The following EPN3 variants were observed in gnomAD, a reference collection of about 807,000 sequenced individuals.
EPN3 encodes epsin-3.
EPN3 carries 56 observed loss-of-function variants against 55.5 expected under a neutral mutation model. The observed-to-expected ratio is 1.01, with a 90% CI of 0.81 to 1.26. The LOEUF (loss-of-function observed/expected upper bound fraction) is 1.26. EPN3 is among the 50% of genes most tolerant of loss of function. The pLI, the probability that EPN3 is intolerant of heterozygous loss-of-function variation, is 0.00. For missense variants in EPN3, 927 were observed against 853.4 expected (o/e 1.09, Z -1.07); for synonymous variants, 449 against 375.2 (o/e 1.20, Z -2.27).
Position 50,542,357 on chromosome 17 carries a change from C to T in EPN3, c.*200C>T. On this transcript the variant is annotated 3_prime_UTR_variant, in exon 10 of 10. Transcript: ENST00000268933. The stretch of plus-strand genomic sequence containing the variant: ...AACGCCCGCATAATAAAGACTGGAA[C>T]CCTCGTTCTCAGCTCTCACCAAGTG... The T allele has an allele frequency of 1.9e-6, 1 of 531,652 alleles. No individual in the cohort carries two copies. The highest frequency in any genetic ancestry group is 3.8e-5 in the East Asian group (1 of 26,132). The allele number at this position is 531,652 out of a possible 1,614,324, so 32.9% of individuals were successfully genotyped here.
intron 1 of EPN3, 22 bp downstream of exon 1, chr17:50,533,007 C>A (rs1257188452): frequency 1.7e-5 from 22 of 1,267,630 alleles, no homozygotes; most frequent in Non-Finnish European, 2.0e-5. Flanking sequence ...CCCTGGCCCC[C>A]TCCCTGGCAG....
In EPN3 at chr17:50,537,065, G is replaced by A. The variant is rs143725319; in HGVS notation, c.509G>A (p.Arg170His). The A allele has an allele frequency of 0.036, 58,313 of 1,611,590 alleles. 1,223 individuals are homozygous for A. Among genetic ancestry groups the A allele is most frequent in the Middle Eastern group, 0.042 (248 of 5,862 alleles). Residue 170 changes from arginine (R) to histidine (H), a missense_variant, in exon 2 of 10, where the codon CGC becomes CAC. Arg to His is a conservative substitution (Grantham distance 29). Transcript: ENST00000268933. ...GGCAGTGGGCAGCTGGGCTTCAGCC[G>A]CCGCTACGGCGAGGACTACAGCCGC... ...GIGSGQLGFS[R>H]RYGEDYSRSR...
In EPN3 at chr17:50,540,796, T is replaced by G. The variant is rs765972560; in HGVS notation, c.983T>G (p.Phe328Cys). The G allele has an allele frequency of 6.2e-7, 1 of 1,607,054 alleles. No homozygotes were observed. Among genetic ancestry groups the G allele is most frequent in the Non-Finnish European group, 8.5e-7 (1 of 1,175,266 alleles). ...CSADPWDIPG[F>C]RPNTEASGSS... ...GTCTATGCTGTTCCCATTTCAGGTT[T>G]TAGGCCGAACACAGAGGCCAGTGGA... is the stretch of plus-strand genomic sequence containing the variant. The change falls in exon 7 of 10, where the codon TTT becomes TGT. Residue 328 changes from phenylalanine to cysteine, a missense_variant. By Grantham distance (205) the Phe-to-Cys change is radical (BLOSUM62 -2). Transcript: ENST00000268933.
chr17:50,537,392 A>G, intron 2 of EPN3: 4 of 500,572 alleles, frequency 8.0e-6, no homozygotes, highest in Non-Finnish European at 1.4e-5. Flanking sequence ...GTCAGATAGC[A>G]TTCTATATTC....
intron 1 of EPN3, chr17:50,534,466 G>A (rs1403250311): frequency 2.0e-6 from 2 of 985,434 alleles, no homozygotes; most frequent in East Asian, 2.3e-4. Flanking sequence ...GTAGGGGCGT[G>A]TGCTGGGCGG....
In EPN3 at chr17:50,538,969, T is replaced by A; in HGVS notation, c.762+5T>A. On this transcript the variant is annotated splice_donor_5th_base_variant and intron_variant, in intron 4 of 9. Coordinates refer to ENST00000268933, the MANE Select transcript of EPN3 (RefSeq NM_017957.3). ...AGCCGGCAGGAGCACGAGAAGGTAG[T>A]GGGCCGAGCCCGCTGGGCTGCCGGT... The A allele has an allele frequency of 6.3e-7, 1 of 1,597,638 alleles. No individual in the cohort carries two copies.
At chr17:50,537,855 C>T in intron 2 of EPN3, 1 of 493,936 alleles carries the variant, frequency 2.0e-6, no homozygotes. Context: ...GCCCTAAGTG[C>T]CGCCTGTGCA....
intron 1 of EPN3, among the ~76,000 whole-genome samples, chr17:50,534,085 C>G (rs575969310): frequency 1.5e-4 from 4 of 27,040 alleles, no homozygotes; most frequent in Non-Finnish European, 2.4e-4. Context: ...CCTCCCTTCT[C>G]TGCGCTTGGG....
At position 50,536,525 on chromosome 17, in the gene EPN3, G is replaced by C; in HGVS notation, c.-32G>C. On this transcript the variant is annotated 5_prime_UTR_variant, in exon 2 of 10. Transcript: ENST00000268933. ...CCCTCAGCCCTCCACCTCCGGCGGG[G>C]GCGAGGGCCACCCACCTCCAAGTCT... is the stretch of plus-strand genomic sequence containing the variant. 6.2e-7 allele frequency: 1 copy of C among 1,612,292 alleles called. No homozygotes were observed. Among genetic ancestry groups the C allele is most frequent in the South Asian group, 1.1e-5 (1 of 91,062 alleles).
At chr17:50,538,373 C>T (rs1812335499) in intron 3 of EPN3, 176 bp downstream of exon 3, 1 of 590,090 alleles carries the variant, frequency 1.7e-6, no homozygotes, top group Non-Finnish European at 3.0e-6. Flanking sequence ...TGCCTCCCTG[C>T]CTCCAGTCCT....
At chr17:50,537,805 G>A (rs1462463198) in intron 2 of EPN3, 2 of 427,838 alleles carry the variant, frequency 4.7e-6, no homozygotes, top group East Asian at 4.0e-5. Context: ...TGGAGTCAGG[G>A]CACCTGGGTT....
At chr17:50,540,433 G>GACTTGCCCGGTGACAC in intron 6 of EPN3, 99 bp downstream of exon 6, 2 of 1,143,634 alleles carry the variant, frequency 1.7e-6, no homozygotes, top group Non-Finnish European at 2.5e-6. Context: ...AAATCTGAGT[G>GACTTGCCCGGTGACAC]TCACCGGGCA....
Position 50,542,137 on chromosome 17 carries a change from G to A in EPN3, c.1879G>A (p.Gly627Ser), listed in dbSNP as rs775428238. ...AGPRPPPPQT[G>S]TNPFL Reference sequence around the variant, plus strand: ...GCCGCGGCCCCCGCCCCCGCAGACCGGCACCAACCCCTTCCTCTGAGCCCC... The same window carrying A: ...GCCGCGGCCCCCGCCCCCGCAGACCAGCACCAACCCCTTCCTCTGAGCCCC... Residue 627 changes from glycine (G) to serine (S), a missense_variant, in exon 10 of 10, where the codon GGC becomes AGC. By Grantham distance (56) the Gly-to-Ser change is moderately conservative. Transcript: ENST00000268933. The A allele has an allele frequency of 3.3e-6, 5 of 1,513,902 alleles. No individual in the cohort carries two copies. The highest frequency in any genetic ancestry group is 2.1e-5 in the Admixed American group (1 of 48,334). The allele number at this position is 1,513,902 out of a possible 1,614,324, so 93.8% of individuals were successfully genotyped here.
In EPN3 at chr17:50,542,205, G is replaced by C; in HGVS notation, c.*48G>C. ...CCTGCGCCTGCGCCGGACGCTCCGCGGCCCCGCCTCCGGACCCGGGGCTGG... is the reference window on the plus strand; with the variant it reads ...CCTGCGCCTGCGCCGGACGCTCCGCCGCCCCGCCTCCGGACCCGGGGCTGG... On this transcript the variant is annotated 3_prime_UTR_variant, in exon 10 of 10. Transcript: ENST00000268933. 1 of 1,415,548 alleles carries C rather than the reference G, an allele frequency of 7.1e-7. No homozygotes were observed. The highest frequency in any genetic ancestry group is 9.1e-7 in the Non-Finnish European group (1 of 1,095,130). The allele number at this position is 1,415,548 out of a possible 1,614,324, so 87.7% of individuals were successfully genotyped here.
At position 50,541,460 on chromosome 17, in the gene EPN3, C is replaced by A; in HGVS notation, c.1355-4C>A. On this transcript the variant is annotated splice_polypyrimidine_tract_variant and splice_region_variant and intron_variant, in intron 8 of 9. Transcript: ENST00000268933. ...ACCAATTAGCTCTAGCATTTCTATTCCAGAGCTGGACCTGTTTGGAGACCC... is the reference window on the plus strand; with the variant it reads ...ACCAATTAGCTCTAGCATTTCTATTACAGAGCTGGACCTGTTTGGAGACCC... 6.2e-7 allele frequency: 1 copy of A among 1,613,774 alleles called. No homozygotes were observed. Among genetic ancestry groups the A allele is most frequent in the Non-Finnish European group, 8.5e-7 (1 of 1,179,864 alleles).
intron 1 of EPN3, among the ~76,000 whole-genome samples, chr17:50,533,276 C>T (rs1343728879): frequency 6.6e-6 from 1 of 152,214 alleles, no homozygotes; most frequent in Admixed American, 6.5e-5. Context: ...GCTGTTTCCT[C>T]TTCTTCAGCC....
Position 50,541,316 on chromosome 17 carries a change from AG to A in EPN3, c.1338del (p.Lys446AsnfsTer34). 6.2e-7 allele frequency: 1 copy of A among 1,612,494 alleles called. No individual in the cohort carries two copies. The highest frequency in any genetic ancestry group is 8.5e-7 in the Non-Finnish European group (1 of 1,179,964). ...EGLEQALPSGKPSSPVELDLF... is the reference protein window; with the variant it reads ...EGLEQALPSGXPSSPVELDLF... ...CTGGAGCAGGCCCTGCCCTCTGGGAAGCCCAGCAGCCCTGTGGGTGAGCAGG... is the reference window on the plus strand; with the variant it reads ...CTGGAGCAGGCCCTGCCCTCTGGGAACCCAGCAGCCCTGTGGGTGAGCAGG... On this transcript the variant is annotated frameshift_variant, in exon 8 of 10. Transcript: ENST00000268933. LOFTEE classifies it high-confidence loss of function.
chr17:50,536,302 C>T (rs1043206942), intron 1 of EPN3, 119 bp from the exon 2 acceptor site: 8 of 719,232 alleles, frequency 1.1e-5, no homozygotes, highest in Admixed American at 3.4e-5. Flanking sequence ...GAACGTGTGC[C>T]GCTGAAGGCT....
At position 50,539,415 on chromosome 17, in the gene EPN3, C is replaced by T. The variant is rs191180279; in HGVS notation, c.891+100C>T. ...AGCAGTGCCTGGCATATAGTAAGCA[C>T]TGATGTGTTTATTCGATGAAATAGG... On this transcript the variant is annotated intron_variant, in intron 5 of 9. Coordinates refer to ENST00000268933, the MANE Select transcript of EPN3 (RefSeq NM_017957.3). 7.2e-6 allele frequency: 11 copies of T among 1,537,244 alleles called. No homozygotes were observed. In the East Asian group the frequency reaches 1.6e-4, roughly 22 times the overall value.
Sources: gnomAD v4.1 joint callset for allele counts (sites outside exome capture counted in the v4.1 genomes callset) on GRCh38, gnomAD v4.1.1 for gene constraint, MANE v1.5 for transcripts, NCBI Gene and HGNC (gene_info 2026-07-23, HGNC 2026-07-21) for gene names.